The following CHIA variants were observed in gnomAD, a reference collection of about 807,000 sequenced individuals.
CHIA encodes chitinase acidic, also known as acidic mammalian chitinase.
Under a neutral mutation model 53.5 loss-of-function variants are expected in CHIA, and 47 were observed. The observed-to-expected ratio is 0.88, with a 90% CI of 0.70 to 1.12. CHIA has a LOEUF of 1.12. CHIA is among the 50% of genes most tolerant of loss of function. CHIA has a pLI of 0.00. For missense variants in CHIA, 652 were observed against 592.2 expected (o/e 1.10, Z -1.05); for synonymous variants, 268 against 222.2 (o/e 1.21, Z -1.83).
chr1:111,300,546 T>G (rs1239500110), intron 1 of CHIA, among the ~76,000 whole-genome samples: 1 of 152,196 alleles, frequency 6.6e-6, no homozygotes, highest in Non-Finnish European at 1.5e-5. Context: ...AAGCTGAACC[T>G]GGATCTCTTC....
intron 1 of CHIA, among the ~76,000 whole-genome samples, chr1:111,307,049 A>T (rs927071104): frequency 6.6e-6 from 1 of 152,248 alleles, no homozygotes; most frequent in Non-Finnish European, 1.5e-5. Flanking sequence ...CTAGCTAAAT[A>T]GTAAATTTTA....
intron 4 of CHIA, 77 bp downstream of exon 4, chr1:111,312,468 T>C: frequency 8.4e-7 from 1 of 1,193,738 alleles, no homozygotes; most frequent in East Asian, 2.3e-5. Flanking sequence ...TAAAATGTAG[T>C]TCAGATCCAT....
chr1:111,299,319 C>T (rs1438132419), intron 1 of CHIA, among the ~76,000 whole-genome samples: 2 of 152,166 alleles, frequency 1.3e-5, no homozygotes, highest in African/African-American at 4.8e-5. Context: ...CCCTGATGAC[C>T]ATTGATGCAA....
intron 1 of CHIA, among the ~76,000 whole-genome samples, chr1:111,304,473 C>A (rs1648016904): frequency 6.6e-6 from 1 of 152,084 alleles, no homozygotes; most frequent in Non-Finnish European, 1.5e-5. Context: ...TTTCACTCTC[C>A]TATCTTCATG....
Position 111,314,590 on chromosome 1 carries a change from C to A in CHIA, c.308C>A (p.Thr103Asn). Residue 103 changes from threonine (T) to asparagine (N), a missense_variant, in exon 5 of 12, where the codon ACT becomes AAT. Transcript: ENST00000369740. ...LLAIGGWNFG[T>N]APFTAMVSTP... Reference sequence around the variant, plus strand: ...GCCATTGGAGGCTGGAACTTCGGGACTGCCCCGTAAGTCTTCTATGGAGAG... The same window carrying A: ...GCCATTGGAGGCTGGAACTTCGGGAATGCCCCGTAAGTCTTCTATGGAGAG... The A allele has an allele frequency of 6.2e-7, 1 of 1,612,540 alleles. No individual in the cohort carries two copies. Among genetic ancestry groups the A allele is most frequent in the Non-Finnish European group, 8.5e-7 (1 of 1,178,554 alleles).
Position 111,318,024 on chromosome 1 carries a change from A to G in CHIA, c.644A>G (p.His215Arg), listed in dbSNP as rs772442180. Residue 215 changes from histidine to arginine, a missense_variant, in exon 8 of 12, where the codon CAT becomes CGT. By Grantham distance (29) the His-to-Arg change is conservative (BLOSUM62 0). Coordinates refer to ENST00000369740, the MANE Select transcript of CHIA (RefSeq NM_201653.4). ...DYIHVMTYDL[H>R]GSWEGYTGEN... ...ATCCATGTCATGACCTACGACCTCC[A>G]TGGCTCCTGGGAGGGCTACACTGGA... The G allele has an allele frequency of 2.1e-5, 34 of 1,613,932 alleles. No individual in the cohort carries two copies. The South Asian group carries it at 3.5e-4, about 17-fold the overall frequency.
chr1:111,303,681 C>G (rs1329281961), intron 1 of CHIA, among the ~76,000 whole-genome samples: 2 of 152,120 alleles, frequency 1.3e-5, no homozygotes, highest in South Asian at 2.1e-4. Context: ...AAAATACTAT[C>G]TTTATACATT....
chr1:111,299,439 C>G (rs1257564444), intron 1 of CHIA, among the ~76,000 whole-genome samples: 1 of 152,170 alleles, frequency 6.6e-6, no homozygotes, highest in Non-Finnish European at 1.5e-5. Context: ...TAAACATATG[C>G]AAATCAGTAA....
At chr1:111,310,243 C>A in intron 1 of CHIA, 157 bp from the exon 2 acceptor site, 1 of 841,956 alleles carries the variant, frequency 1.2e-6, no homozygotes, top group Admixed American at 3.4e-5. Context: ...TGTTAGGAGC[C>A]ATGACATTGT....
intron 1 of CHIA, among the ~76,000 whole-genome samples, chr1:111,307,273 A>G (rs771446702): frequency 1.6e-4 from 24 of 152,354 alleles, no homozygotes; most frequent in African/African-American, 3.4e-4. Flanking sequence ...AGCTATGAAA[A>G]TAAGTGAACA....
chr1:111,300,516 A>C (rs1014017640), intron 1 of CHIA, among the ~76,000 whole-genome samples: 8 of 152,348 alleles, frequency 5.3e-5, no homozygotes, highest in Admixed American at 2.0e-4. Flanking sequence ...TGCTGGGATA[A>C]CTGGCTAGCC....
chr1:111,291,604 C>A (rs1024289120), intron 1 of CHIA, among the ~76,000 whole-genome samples: 1 of 151,938 alleles, frequency 6.6e-6, no homozygotes, highest in African/African-American at 2.4e-5. Context: ...GTGCAGCAAA[C>A]CATCATGGCA....
At chr1:111,299,961 TG>T (rs1233370418) in intron 1 of CHIA, among the ~76,000 whole-genome samples, 2 of 152,174 alleles carry the variant, frequency 1.3e-5, no homozygotes, top group African/African-American at 4.8e-5. Context: ...AGCCAAATCA[TG>T]AGTGAACTCC....
In CHIA at chr1:111,319,163, C is replaced by T; in HGVS notation, c.959C>T (p.Ala320Val). Residue 320 changes from alanine (A) to valine (V), a missense_variant, in exon 10 of 12, where the codon GCC becomes GTC. Transcript: ENST00000369740. ...AATGGAGCCACTCAGGGATGGGATGCCCCTCAGGAAGTGCCTTATGCCTAT... is the reference window on the plus strand; with the variant it reads ...AATGGAGCCACTCAGGGATGGGATGTCCCTCAGGAAGTGCCTTATGCCTAT... ...LKNGATQGWDAPQEVPYAYQG... is the reference protein window; with the variant it reads ...LKNGATQGWDVPQEVPYAYQG... 3.1e-6 allele frequency: 5 copies of T among 1,614,144 alleles called. No individual in the cohort carries two copies. In the South Asian group the frequency reaches 5.5e-5, roughly 18 times the overall value.
chr1:111,310,131 AG>A (rs1442735857), intron 1 of CHIA, among the ~76,000 whole-genome samples: 74 of 152,344 alleles, frequency 4.9e-4, no homozygotes, highest in Non-Finnish European at 2.9e-5. Context: ...TGTCCACAAT[AG>A]AAAATCTGAC....
intron 1 of CHIA, among the ~76,000 whole-genome samples, chr1:111,300,346 A>T (rs980030872): frequency 6.6e-6 from 1 of 152,252 alleles, no homozygotes; most frequent in Non-Finnish European, 1.5e-5. Flanking sequence ...ACAAGGCTAC[A>T]GTAACCAAAA....
intron 1 of CHIA, among the ~76,000 whole-genome samples, chr1:111,292,632 G>A (rs767670249): frequency 3.3e-5 from 5 of 152,038 alleles, no homozygotes; most frequent in Admixed American, 2.0e-4. Context: ...TGTACAGTTC[G>A]GTGGTACTAA....
intron 1 of CHIA, among the ~76,000 whole-genome samples, chr1:111,308,280 T>C (rs1384733495): frequency 6.6e-6 from 1 of 152,250 alleles, no homozygotes; most frequent in Non-Finnish European, 1.5e-5. Flanking sequence ...CTGAATACGA[T>C]AAACCTGGAG....
chr1:111,312,421 T>G, intron 4 of CHIA, 30 bp downstream of exon 4: 2 of 1,549,736 alleles, frequency 1.3e-6, no homozygotes, highest in Non-Finnish European at 1.8e-6. Flanking sequence ...TAATTTGGCA[T>G]CCCCTTTTTC....
Sources: allele counts gnomAD v4.1 joint callset (sites outside exome capture counted in the v4.1 genomes callset), GRCh38; gene constraint gnomAD v4.1.1; transcripts MANE v1.5; gene names NCBI Gene and HGNC (gene_info 2026-07-23, HGNC 2026-07-21).